WWOX: variants seen among roughly 807,000 people sequenced by gnomAD.
WWOX encodes the protein WW domain containing oxidoreductase.
In WWOX, 69 loss-of-function variants were observed where a neutral mutation model predicts 46.2. The observed-to-expected ratio is 1.49, with a 90% CI of 1.23 to 1.82. The LOEUF is 1.82. Among genes scored for constraint, WWOX ranks in the 40% most tolerant of loss-of-function variants. The probability of loss-of-function intolerance (pLI) is 0.00; values close to 1 mark genes in which losing one functional copy is unlikely to be tolerated. For missense variants in WWOX, 919 were observed against 542.6 expected (o/e 1.69, Z -6.89); for synonymous variants, 359 against 202.6 (o/e 1.77, Z -6.56).
chr16:78,839,352 C>G (rs1268755248), intron 8 of WWOX, among the ~76,000 whole-genome samples: 1 of 152,076 alleles, frequency 6.6e-6, no homozygotes, highest in African/African-American at 2.4e-5. Flanking sequence ...TTGGTAATAT[C>G]CAACCTTTTC....
In WWOX at chr16:78,720,801, C is replaced by G. The variant is rs1196499165; in HGVS notation, c.1056+288049C>G. 1.3e-5 allele frequency among the ~76,000 whole-genome samples: 2 copies of G among 152,098 alleles called. 1 individual carries two copies. Among genetic ancestry groups the G allele is most frequent in the South Asian group, 4.1e-4 (2 of 4,826 alleles). On this transcript the variant is annotated intron_variant, in intron 8 of 8. Coordinates refer to ENST00000566780, the MANE Select transcript of WWOX (RefSeq NM_016373.4). ...TATTATACAAGCAGTGCCCAAGTGC[C>G]TTCCTCCAAAAGTACATTAGATACT...
chr16:78,673,065 A>G (rs2047505386), intron 8 of WWOX, among the ~76,000 whole-genome samples: 1 of 152,236 alleles, frequency 6.6e-6, no homozygotes, highest in African/African-American at 2.4e-5. Flanking sequence ...TGAGAAAGCA[A>G]TGGATCATGC....
rs543151954 is a variant in WWOX, at chr16:78,865,151, G to A, written c.1057-346457G>A. 4.6e-5 allele frequency among the ~76,000 whole-genome samples: 7 copies of A among 152,066 alleles called. No homozygotes were observed. In the East Asian group the frequency reaches 5.8e-4, roughly 13 times the overall value. On this transcript the variant is annotated intron_variant, in intron 8 of 8. Coordinates refer to ENST00000566780, the MANE Select transcript of WWOX (RefSeq NM_016373.4). ...TATGTTAATATGTAAAATAAATTCC[G>A]TACATTTTAAAGTGCTAAAGGTTGT... is the stretch of plus-strand genomic sequence containing the variant.
chr16:78,211,018 A>G (rs549230347), intron 5 of WWOX, among the ~76,000 whole-genome samples: 4 of 152,322 alleles, frequency 2.6e-5, no homozygotes, highest in African/African-American at 9.6e-5. Context: ...TCACTGATAA[A>G]TCCATAGTAA....
At chr16:78,851,147 C>G (rs551466635) in intron 8 of WWOX, among the ~76,000 whole-genome samples, 1 of 152,126 alleles carries the variant, frequency 6.6e-6, no homozygotes, top group Admixed American at 6.5e-5. Context: ...ATGGCTTTCA[C>G]CCTCAAACTT....
At chr16:78,395,726 T>G (rs1390518040) in intron 6 of WWOX, among the ~76,000 whole-genome samples, 2 of 151,856 alleles carry the variant, frequency 1.3e-5, no homozygotes, top group African/African-American at 4.9e-5. Flanking sequence ...ACTTTATTAC[T>G]CTACTGAGTA....
intron 8 of WWOX, among the ~76,000 whole-genome samples, chr16:78,741,961 C>G (rs1190304881): frequency 6.6e-6 from 1 of 152,146 alleles, no homozygotes; most frequent in East Asian, 1.9e-4. Context: ...TTTAACTGGA[C>G]ATTATCTCTG....
chr16:78,766,891 A>G (rs1208419106), intron 8 of WWOX, among the ~76,000 whole-genome samples: 1 of 152,150 alleles, frequency 6.6e-6, no homozygotes, highest in Non-Finnish European at 1.5e-5. Flanking sequence ...CATTACCTAT[A>G]CCTAAAATAT....
intron 5 of WWOX, among the ~76,000 whole-genome samples, chr16:78,164,758 A>G (rs1197621508): frequency 6.6e-6 from 1 of 152,220 alleles, no homozygotes; most frequent in East Asian, 1.9e-4. Flanking sequence ...ATATAGTATT[A>G]AACGAAACAG....
At chr16:78,751,316 C>T (rs1218419923) in intron 8 of WWOX, among the ~76,000 whole-genome samples, 2 of 150,720 alleles carry the variant, frequency 1.3e-5, no homozygotes, top group Non-Finnish European at 3.0e-5. Flanking sequence ...GCTGGGTTTC[C>T]TGGGAGTCAA....
chr16:78,923,033 G>A (rs571988708), intron 8 of WWOX, among the ~76,000 whole-genome samples: 8 of 142,468 alleles, frequency 5.6e-5, no homozygotes, highest in Non-Finnish European at 1.2e-4. Flanking sequence ...CCAGGCTGGA[G>A]TGCAATGGCG....
chr16:78,897,606 G>C (rs2044732945), intron 8 of WWOX: 1 of 151,996 alleles, frequency 6.6e-6, no homozygotes, highest in Non-Finnish European at 1.5e-5. Context: ...ATATTTGTTG[G>C]CTATTATGAA....
chr16:78,925,264 A>C (rs1351327447), intron 8 of WWOX, among the ~76,000 whole-genome samples: 1 of 152,218 alleles, frequency 6.6e-6, no homozygotes, highest in Non-Finnish European at 1.5e-5. Flanking sequence ...AAGGCTGATC[A>C]TTGCTGCCAC....
intron 5 of WWOX, among the ~76,000 whole-genome samples, chr16:78,292,493 A>AT (rs1196657433): frequency 1.3e-5 from 2 of 152,186 alleles, no homozygotes; most frequent in Admixed American, 6.5e-5. Context: ...AGAGCCAAGT[A>AT]TTTTTTATAG....
At chr16:79,080,453 A>G (rs7498708) in intron 8 of WWOX, among the ~76,000 whole-genome samples, 1 of 152,312 alleles carries the variant, frequency 6.6e-6, no homozygotes, top group East Asian at 1.9e-4. Flanking sequence ...CCTGGGAGAT[A>G]GAATTCAATT....
chr16:78,572,682 A>G (rs1205134883), intron 8 of WWOX, among the ~76,000 whole-genome samples: 2 of 151,522 alleles, frequency 1.3e-5, no homozygotes, highest in Non-Finnish European at 2.9e-5. Flanking sequence ...AGCTTAAAGT[A>G]TAGGCAAAGC....
At chr16:78,683,017 G>T (rs74032721) in intron 8 of WWOX, among the ~76,000 whole-genome samples, 76 of 152,252 alleles carry the variant, frequency 5.0e-4, no homozygotes, top group Middle Eastern at 3.4e-3. Flanking sequence ...TGAATCTGTA[G>T]GCTGCTGTGA....
intron 8 of WWOX, among the ~76,000 whole-genome samples, chr16:79,200,710 A>C (rs1266733326): frequency 6.6e-6 from 1 of 152,152 alleles, no homozygotes; most frequent in African/African-American, 2.4e-5. Flanking sequence ...CTCCCTGGAC[A>C]AAGACATGAA....
chr16:78,281,876 T>G (rs1158008907), intron 5 of WWOX, among the ~76,000 whole-genome samples: 1 of 152,206 alleles, frequency 6.6e-6, no homozygotes, highest in African/African-American at 2.4e-5. Flanking sequence ...CGAGGTCCCC[T>G]CTTTATTTAA....
Sources: allele counts gnomAD v4.1 joint callset (sites outside exome capture counted in the v4.1 genomes callset), GRCh38; gene constraint gnomAD v4.1.1; transcripts MANE v1.5; gene names NCBI Gene and HGNC (gene_info 2026-07-23, HGNC 2026-07-21).